The following SSH1 variants were observed in gnomAD, a reference collection of about 807,000 sequenced individuals.
SSH1 encodes the protein slingshot protein phosphatase 1.
SSH1 carries 43 observed loss-of-function variants against 79.7 expected under a neutral mutation model. The ratio of observed to expected loss-of-function variants is 0.54; its 90% CI spans 0.42 to 0.70. The LOEUF (loss-of-function observed/expected upper bound fraction) is 0.70, where lower values mean the gene tolerates loss of function less well. Ranked by LOEUF, SSH1 falls within the 30% of genes least tolerant of loss-of-function variation. The probability of loss-of-function intolerance (pLI) is 0.00; values close to 1 mark genes in which losing one functional copy is unlikely to be tolerated. For missense variants in SSH1, 1,206 were observed against 1,358.8 expected (o/e 0.89, Z 1.77); for synonymous variants, 599 against 538.3 (o/e 1.11, Z -1.56).
chr12:108,794,930 A>C (rs958639703), intron 13 of SSH1, among the ~76,000 whole-genome samples: 6 of 152,176 alleles, frequency 3.9e-5, no homozygotes, highest in Non-Finnish European at 4.4e-5. Flanking sequence ...ACACAAATGC[A>C]TATCTGATTG....
intron 2 of SSH1, among the ~76,000 whole-genome samples, chr12:108,831,068 G>A (rs1483434031): frequency 6.6e-6 from 1 of 152,154 alleles, no homozygotes; most frequent in Non-Finnish European, 1.5e-5. Flanking sequence ...TATGCCTAAG[G>A]AAACAGGGAG....
At chr12:108,814,237 A>G (rs1462001674) in intron 5 of SSH1, among the ~76,000 whole-genome samples, 1 of 152,068 alleles carries the variant, frequency 6.6e-6, no homozygotes, top group Non-Finnish European at 1.5e-5. Context: ...AACAAAAACA[A>G]AAACTTTGAG....
intron 3 of SSH1, among the ~76,000 whole-genome samples, chr12:108,819,616 G>A (rs2038039877): frequency 6.6e-6 from 1 of 152,010 alleles, no homozygotes; most frequent in South Asian, 2.1e-4. Context: ...CTCACTTGAG[G>A]CCAGGCATTC....
chr12:108,824,935 G>A (rs956920685), intron 2 of SSH1, among the ~76,000 whole-genome samples: 2 of 152,156 alleles, frequency 1.3e-5, no homozygotes, highest in Admixed American at 6.5e-5. Context: ...CGGCTTTGCG[G>A]GAGGTGGGGG....
chr12:108,818,184 C>A, intron 4 of SSH1, 65 bp downstream of exon 4: 1 of 1,336,996 alleles, frequency 7.5e-7, no homozygotes. Flanking sequence ...GGCAACAGAG[C>A]AAGACCCTCA....
chr12:108,825,594 A>C (rs141375935), intron 2 of SSH1, among the ~76,000 whole-genome samples: 1 of 152,164 alleles, frequency 6.6e-6, no homozygotes, highest in Non-Finnish European at 1.5e-5. Flanking sequence ...TTGGTTTTCG[A>C]TATCTTGTGA....
At chr12:108,852,147 T>G (rs2039052931) in intron 2 of SSH1, among the ~76,000 whole-genome samples, 1 of 152,166 alleles carries the variant, frequency 6.6e-6, no homozygotes, top group East Asian at 1.9e-4. Flanking sequence ...ATAATATTAT[T>G]AAAGTGGCTA....
chr12:108,804,972 T>C, intron 10 of SSH1, 84 bp downstream of exon 10: 1 of 1,561,898 alleles, frequency 6.4e-7, no homozygotes, highest in Non-Finnish European at 8.7e-7. Context: ...CTGCTTTTTC[T>C]CCCGGACTTG....
chr12:108,838,942 A>G (rs944831786), intron 2 of SSH1, among the ~76,000 whole-genome samples: 3 of 151,992 alleles, frequency 2.0e-5, no homozygotes, highest in Non-Finnish European at 4.4e-5. Flanking sequence ...CCCTTACTTC[A>G]TCTTATTTTC....
At position 108,792,663 on chromosome 12, in the gene SSH1, G is replaced by A. The variant is rs1438068461; in HGVS notation, c.1516C>T (p.Pro506Ser). The change falls in exon 14 of 15, where the codon CCC becomes TCC. Residue 506 changes from proline to serine, a missense_variant. By Grantham distance (74) the Pro-to-Ser change is moderately conservative. This residue lies in a region of SSH1 where 709 missense variants were observed against 730.6 expected (regional missense o/e 0.97). Transcript: ENST00000326495. ...DDAAQPGLGPPLPCCFRRLSD... is the reference protein window; with the variant it reads ...DDAAQPGLGPSLPCCFRRLSD... ...AGTCGCCGGAAACAGCAGGGGAGGGGGGGCCCTAAGCCGGGCTGGGCGGCA... is the reference window on the plus strand; with the variant it reads ...AGTCGCCGGAAACAGCAGGGGAGGGAGGGCCCTAAGCCGGGCTGGGCGGCA... The A allele has an allele frequency of 6.2e-7, 1 of 1,611,892 alleles. No individual in the cohort carries two copies. The highest frequency in any genetic ancestry group is 8.5e-7 in the Non-Finnish European group (1 of 1,179,932).
rs1202598794 is a variant in SSH1, at chr12:108,800,862, G to A, written c.1066C>T (p.His356Tyr). Reference protein sequence around the residue: ...DNFFPGLFAYHNIRVYDEETT... With the variant: ...DNFFPGLFAYYNIRVYDEETT... ...TCTTCATCGTAGACTCGGATGTTAT[G>A]ATATGCAAATAAGCCAGGAAAAAAA... Residue 356 changes from histidine to tyrosine, a missense_variant, in exon 12 of 15, where the codon CAT becomes TAT. His to Tyr is a moderately conservative substitution (Grantham distance 83). This residue lies in a region of SSH1 where 166 missense variants were observed against 262.9 expected (regional missense o/e 0.63). Transcript: ENST00000326495. 3.1e-6 allele frequency: 5 copies of A among 1,613,918 alleles called. No individual in the cohort carries two copies. The highest frequency in any genetic ancestry group is 2.2e-5 in the East Asian group (1 of 44,886).
chr12:108,798,879 T>C, intron 13 of SSH1, 121 bp downstream of exon 13: 1 of 1,161,830 alleles, frequency 8.6e-7, no homozygotes, highest in East Asian at 2.4e-5. Context: ...GGATTTTGGC[T>C]GTGGAAGCGG....
At chr12:108,812,143 G>A (rs1465749014) in intron 5 of SSH1, among the ~76,000 whole-genome samples, 1 of 152,228 alleles carries the variant, frequency 6.6e-6, no homozygotes, top group Non-Finnish European at 1.5e-5. Flanking sequence ...CTGTGGGGAA[G>A]GTTGTTCCAA....
chr12:108,844,865 T>C (rs1367358949), intron 2 of SSH1, among the ~76,000 whole-genome samples: 1 of 152,084 alleles, frequency 6.6e-6, no homozygotes, highest in Non-Finnish European at 1.5e-5. Flanking sequence ...TCCCAGCACT[T>C]TGGGAGGCTG....
intron 2 of SSH1, among the ~76,000 whole-genome samples, chr12:108,827,973 G>C (rs578032585): frequency 6.6e-6 from 1 of 152,318 alleles, no homozygotes; most frequent in Admixed American, 6.5e-5. Flanking sequence ...CCCAAGGCAG[G>C]TCAGGCTGCA....
chr12:108,813,366 G>A (rs1489355936), intron 5 of SSH1, among the ~76,000 whole-genome samples: 1 of 152,074 alleles, frequency 6.6e-6, no homozygotes, highest in African/African-American at 2.4e-5. Context: ...AAACACTGAT[G>A]TGTGGATGGT....
Position 108,805,233 on chromosome 12 carries a change from C to T in SSH1, c.826-49G>A, listed in dbSNP as rs770444985. On this transcript the variant is annotated intron_variant, in intron 9 of 14. Transcript: ENST00000326495. Reference sequence around the variant, plus strand: ...AAAGTGATTTGTTAAAGAAAACAATCGTCCACCTCAAAAGAATTAAAGTTA... The same window carrying T: ...AAAGTGATTTGTTAAAGAAAACAATTGTCCACCTCAAAAGAATTAAAGTTA... 4.4e-6 allele frequency: 7 copies of T among 1,593,350 alleles called. No homozygotes were observed. In the South Asian group the frequency reaches 5.5e-5, roughly 13 times the overall value.
Position 108,800,820 on chromosome 12 carries a change from C to A in SSH1, c.1108G>T (p.Ala370Ser). 4 of 1,614,066 alleles carry A rather than the reference C, an allele frequency of 2.5e-6. No homozygotes were observed. The highest frequency in any genetic ancestry group is 3.4e-6 in the Non-Finnish European group (4 of 1,179,994). Residue 370 changes from alanine (A) to serine (S), a missense_variant, in exon 12 of 15, where the codon GCC becomes TCC. Coordinates refer to ENST00000326495, the MANE Select transcript of SSH1 (RefSeq NM_018984.4). ...VYDEETTDLL[A>S]HWNEAYHFIN... ...AAATGATACGCTTCATTCCAGTGGG[C>A]GAGGAGGTCTGTGGTCTCTTCATCG...
intron 14 of SSH1, among the ~76,000 whole-genome samples, chr12:108,791,695 G>C (rs1197935586): frequency 5.3e-5 from 8 of 152,292 alleles, no homozygotes; most frequent in African/African-American, 1.9e-4. Flanking sequence ...GGAGGTCAAG[G>C]CTGCAGTGAA....
Sources: gnomAD v4.1 joint callset for allele counts (sites outside exome capture counted in the v4.1 genomes callset) on GRCh38, gnomAD v4.1.1 for gene constraint, gnomAD v4.1.1 regional missense constraint, MANE v1.5 for transcripts, NCBI Gene and HGNC (gene_info 2026-07-23, HGNC 2026-07-21) for gene names.